The following PMPCA variants were observed in gnomAD, a reference collection of about 807,000 sequenced individuals.
PMPCA encodes the protein peptidase, mitochondrial processing subunit alpha.
A neutral mutation model predicts 59.3 loss-of-function variants in PMPCA; 47 were observed. That is an observed-to-expected ratio of 0.79 (90% CI 0.63 to 1.01). The LOEUF (loss-of-function observed/expected upper bound fraction) is 1.01, where lower values mean the gene tolerates loss of function less well. PMPCA is among the 50% of genes least tolerant of loss of function. PMPCA has a pLI of 0.00. For missense variants in PMPCA, 726 were observed against 704.5 expected, an observed-to-expected ratio of 1.03 and a Z score of -0.34; for synonymous variants, 338 against 290.3, an observed-to-expected ratio of 1.16 and a Z score of -1.67.
intron 1 of PMPCA, among the ~76,000 whole-genome samples, 186 bp from the exon 2 acceptor site, chr9:136,411,811 C>G (rs1211899642): frequency 6.6e-6 from 1 of 152,218 alleles, no homozygotes; most frequent in African/African-American, 2.4e-5. Context: ...CAGCTTGCTC[C>G]AGGTCCCGTG....
At position 136,410,701 on chromosome 9, in the gene PMPCA, G is replaced by A; in HGVS notation, c.33G>A (p.Leu11=). Residue 11 remains leucine, a synonymous_variant, in exon 1 of 13, where the codon TTG becomes TTA. Coordinates refer to ENST00000371717, the MANE Select transcript of PMPCA (RefSeq NM_015160.3). MAAVVLAATR[L]LRGSGSWGCS... is the part of the protein sequence containing the mutation. Reference sequence around the variant, plus strand: ...CTGTGGTGCTGGCGGCGACGCGGTTGCTGCGGGGCTCGGGTTCTTGGGGCT... The same window carrying A: ...CTGTGGTGCTGGCGGCGACGCGGTTACTGCGGGGCTCGGGTTCTTGGGGCT... The A allele has an allele frequency of 7.1e-7, 1 of 1,418,150 alleles. No homozygotes were observed. 87.8% of individuals were successfully genotyped at this position (1,418,150 alleles called of 1,614,324 possible).
rs986550552 is a variant in PMPCA, at chr9:136,421,704, G to A, written c.1264-128G>A. 8.2e-6 allele frequency: 7 copies of A among 849,402 alleles called. 1 individual carries two copies. Among genetic ancestry groups the A allele is most frequent in the East Asian group, 7.6e-5 (3 of 39,278 alleles). The allele number at this position is 849,402 out of a possible 1,614,324, so 52.6% of individuals were successfully genotyped here. ...TGGGATTACAGGCGGGAGCCACTGC[G>A]CCCGGCTGCCCTTCCCTTTCTTATG... is the stretch of plus-strand genomic sequence containing the variant. On this transcript the variant is annotated intron_variant, in intron 11 of 12. Transcript: ENST00000371717.
chr9:136,423,559 G>GGGCC lies in PMPCA; in HGVS notation c.*296_*299dup. 2.8e-6 allele frequency: 1 copy of GGGCC among 351,916 alleles called. No homozygotes were observed. The highest frequency in any genetic ancestry group is 5.3e-6 in the Non-Finnish European group (1 of 186,988). 21.8% of individuals were successfully genotyped at this position (351,916 alleles called of 1,614,324 possible). On this transcript the variant is annotated 3_prime_UTR_variant, in exon 13 of 13. Transcript: ENST00000371717. ...TCCCTCCTCGGGCTGTGGGCACATG[G>GGGCC]GGCCCCGCAGGTTCCTTGGAGGAGC...
intron 6 of PMPCA, 120 bp from the exon 7 acceptor site, chr9:136,416,831 A>C (rs1244645199): frequency 2.3e-6 from 2 of 874,362 alleles, no homozygotes; most frequent in Non-Finnish European, 3.5e-6. Flanking sequence ...GTGCAAGTAA[A>C]ATATCAGCTT....
chr9:136,422,518 C>T, intron 12 of PMPCA: 4 of 1,024,404 alleles, frequency 3.9e-6, no homozygotes, highest in Non-Finnish European at 4.7e-6. Flanking sequence ...GTGGCTCGGG[C>T]TTATGGTGTC....
chr9:136,414,586 C>T lies in PMPCA; in HGVS notation c.471C>T (p.Ser157=). The change falls in exon 5 of 13, where the codon AGC becomes AGT. Residue 157 remains serine, a synonymous_variant. Transcript: ENST00000371717. ...DTTMYAVSAD[S]KGLDTVVALL... ...CCATGTATGCTGTGTCTGCTGATAGCAAAGGCTTGGACACGGTGGTTGCCT... is the reference window on the plus strand; with the variant it reads ...CCATGTATGCTGTGTCTGCTGATAGTAAAGGCTTGGACACGGTGGTTGCCT... The T allele has an allele frequency of 6.2e-7, 1 of 1,613,518 alleles. No individual in the cohort carries two copies. Among genetic ancestry groups the T allele is most frequent in the Non-Finnish European group, 8.5e-7 (1 of 1,179,416 alleles).
chr9:136,422,426 C>T (rs1835483710), intron 12 of PMPCA: 1 of 1,081,338 alleles, frequency 9.2e-7, no homozygotes, highest in Non-Finnish European at 1.1e-6. Context: ...GTCTGAATTT[C>T]CTGAAACTGC....
Position 136,423,218 on chromosome 9 carries a change from C to G in PMPCA, c.1532C>G (p.Ser511Trp). Residue 511 changes from serine to tryptophan, a missense_variant, in exon 13 of 13, where the codon TCG (serine) becomes TGG (tryptophan). Transcript: ENST00000371717. ...PTYEHIQTALSSKDGRLPRTY... is the reference protein window; with the variant it reads ...PTYEHIQTALWSKDGRLPRTY... ...TATGAGCACATCCAGACCGCCCTGT[C>G]GAGTAAGGACGGGCGCCTGCCCAGG... is the stretch of plus-strand genomic sequence containing the variant. 1 of 1,613,544 alleles carries G rather than the reference C, an allele frequency of 6.2e-7. No homozygotes were observed. The highest frequency in any genetic ancestry group is 8.5e-7 in the Non-Finnish European group (1 of 1,180,024).
chr9:136,421,165 T>C (rs1200375045), intron 11 of PMPCA, among the ~76,000 whole-genome samples: 1 of 152,258 alleles, frequency 6.6e-6, no homozygotes, highest in Non-Finnish European at 1.5e-5. Flanking sequence ...CCCCAGAACC[T>C]GTGTTTCATT....
At chr9:136,422,022 G>A in intron 12 of PMPCA, 46 bp downstream of exon 12, 2 of 1,572,242 alleles carry the variant, frequency 1.3e-6, no homozygotes, top group Non-Finnish European at 1.7e-6. Context: ...GCCTCGGCCA[G>A]GCTCAGAGGA....
chr9:136,416,824 C>G lies in PMPCA; in HGVS notation c.634-127C>G, dbSNP rs890325862. 6.4e-6 allele frequency: 5 copies of G among 780,342 alleles called. No homozygotes were observed. In the Admixed American group the frequency reaches 1.1e-4, roughly 18 times the overall value. 48.3% of individuals were successfully genotyped at this position (780,342 alleles called of 1,614,324 possible). On this transcript the variant is annotated intron_variant, in intron 6 of 12. Transcript: ENST00000371717. ...GCACGCAGCTGCTATTGCCAGAGTGCAAGTAAAATATCAGCTTGCGTCGGA... is the reference window on the plus strand; with the variant it reads ...GCACGCAGCTGCTATTGCCAGAGTGGAAGTAAAATATCAGCTTGCGTCGGA...
At chr9:136,419,953 A>G (rs1383351861) in intron 11 of PMPCA, 1 of 150,644 alleles carries the variant, frequency 6.6e-6, no homozygotes, top group Admixed American at 6.6e-5. Context: ...TACTTCCTGG[A>G]CCAGAAGTGG....
intron 4 of PMPCA, 29 bp from the exon 5 acceptor site, chr9:136,414,524 T>G (rs200809135): frequency 1.4e-6 from 2 of 1,462,448 alleles, no homozygotes; most frequent in Non-Finnish European, 1.9e-6. Context: ...GTTCAGGGCC[T>G]GGCATTATGG....
At chr9:136,419,799 T>A (rs1835396871) in intron 11 of PMPCA, 1 of 153,146 alleles carries the variant, frequency 6.5e-6, no homozygotes, top group Admixed American at 6.5e-5. Flanking sequence ...GCCAGGGTGG[T>A]CTTAAACTCC....
chr9:136,414,502 A>C (rs894567513), intron 4 of PMPCA, 51 bp from the exon 5 acceptor site: 2 of 1,247,978 alleles, frequency 1.6e-6, no homozygotes, highest in African/African-American at 2.9e-5. Flanking sequence ...CTGGCTGTTA[A>C]GCAGAGTGTG....
intron 11 of PMPCA, 30 bp downstream of exon 11, chr9:136,419,136 G>C: frequency 1.3e-6 from 2 of 1,589,764 alleles, no homozygotes; most frequent in South Asian, 2.2e-5. Flanking sequence ...ATTTCCAGGC[G>C]TACCTGTGGT....
chr9:136,422,887 T>A, intron 12 of PMPCA: 1 of 1,385,088 alleles, frequency 7.2e-7, no homozygotes, highest in East Asian at 2.6e-5. Context: ...CATTGCCATG[T>A]CCCCATTTAC....
In PMPCA at chr9:136,418,644, C is replaced by T; in HGVS notation, c.1080C>T (p.Phe360=). 12 of 1,612,664 alleles carry T rather than the reference C, an allele frequency of 7.4e-6. No homozygotes were observed. The highest frequency in any genetic ancestry group is 1.0e-5 in the Non-Finnish European group (12 of 1,178,592). The change falls in exon 9 of 13, where the codon TTC becomes TTT. Residue 360 remains phenylalanine (F), a synonymous_variant. Coordinates refer to ENST00000371717, the MANE Select transcript of PMPCA (RefSeq NM_015160.3). ...CTGGTGGGCCCGGCAAGGGCATGTT[C>T]TCCAGGCTCTACCTCAACGTGCTCA... The part of the protein sequence containing the change: ...FSAGGPGKGM[F]SRLYLNVLNR...
chr9:136,418,773 C>T, intron 9 of PMPCA, 55 bp from the exon 10 acceptor site: 5 of 1,526,906 alleles, frequency 3.3e-6, no homozygotes, highest in Non-Finnish European at 4.5e-6. Context: ...TCCAGTTTCC[C>T]ATGGCCTGAT....
Sources: gnomAD v4.1 joint callset for allele counts (sites outside exome capture counted in the v4.1 genomes callset) on GRCh38, gnomAD v4.1.1 for gene constraint, MANE v1.5 for transcripts, NCBI Gene and HGNC (gene_info 2026-07-23, HGNC 2026-07-21) for gene names.